PDE1C: variants seen among roughly 807,000 people sequenced by gnomAD.
PDE1C encodes dual specificity calcium/calmodulin-dependent 3',5'-cyclic nucleotide phosphodiesterase 1C.
PDE1C carries 62 observed loss-of-function variants against 93.1 expected under a neutral mutation model. The ratio of observed to expected loss-of-function variants is 0.67; its 90% CI spans 0.54 to 0.82. The LOEUF (loss-of-function observed/expected upper bound fraction) is 0.82, where lower values mean the gene tolerates loss of function less well. Among genes scored for constraint, PDE1C ranks in the 40% least tolerant of loss-of-function variants. PDE1C has a pLI of 0.00. For synonymous variants in PDE1C, 325 were observed against 310.1 expected (o/e 1.05, Z -0.50); for missense variants, 742 against 884.6 (o/e 0.84, Z 2.04).
chr7:31,622,212 C>G, the PDE1C span, among the ~76,000 whole-genome samples: 1 of 142,904 alleles, frequency 7.0e-6, no homozygotes, highest in Non-Finnish European at 1.5e-5. Context: ...AGAAAGTCAA[C>G]AAGGATACCC....
intron 5 of PDE1C, among the ~76,000 whole-genome samples, chr7:31,875,909 A>G (rs1796536248): frequency 6.8e-6 from 1 of 146,398 alleles, no homozygotes; most frequent in African/African-American, 2.5e-5. Flanking sequence ...TTACTTAAAT[A>G]TCATTTTATG....
Position 32,287,671 on chromosome 7 carries a change from G to A in PDE1C, c.85+10980C>T, listed in dbSNP as rs376556015. 5.9e-5 allele frequency among the ~76,000 whole-genome samples: 9 copies of A among 152,350 alleles called. No individual in the cohort carries two copies. The South Asian group carries it at 1.0e-3, about 18-fold the overall frequency. ...GCGCAGGCAGGGCACTGCAAAGTAC[G>A]GGTCCAGAGAAAAGCAAAGGCCAGG... On this transcript the variant is annotated intron_variant, in intron 1 of 18. Transcript: ENST00000396193.
intron 3 of PDE1C, among the ~76,000 whole-genome samples, chr7:32,090,155 C>A (rs1797386298): frequency 6.6e-6 from 1 of 151,216 alleles, no homozygotes; most frequent in African/African-American, 2.4e-5. Context: ...GCTAAGTGAG[C>A]CAGCAGCCTT....
intron 17 of PDE1C, among the ~76,000 whole-genome samples, chr7:31,771,311 C>A (rs992787399): frequency 2.0e-5 from 3 of 152,206 alleles, no homozygotes; most frequent in Non-Finnish European, 4.4e-5. Flanking sequence ...TTTTTCACAG[C>A]AGCTGTGTTA....
chr7:31,790,330 T>C, intron 16 of PDE1C: 2 of 1,390,850 alleles, frequency 1.4e-6, no homozygotes, highest in Non-Finnish European at 2.0e-6. Flanking sequence ...ACCCTCCAAG[T>C]CTGAGGAGAA....
At chr7:32,183,689 A>G (rs1200086616) in intron 2 of PDE1C, among the ~76,000 whole-genome samples, 1 of 152,278 alleles carries the variant, frequency 6.6e-6, no homozygotes, top group Non-Finnish European at 1.5e-5. Flanking sequence ...ACCTAAAACC[A>G]TAAAAGCCCT....
At chr7:32,075,338 A>C (rs749479689), upstream of PDE1C, among the ~76,000 whole-genome samples, 2 of 152,086 alleles carry the variant, frequency 1.3e-5, no homozygotes, top group African/African-American at 4.8e-5. Flanking sequence ...TTGAGGGGGA[A>C]ATTCTGGAGA....
At chr7:32,112,848 A>G (rs6462332) in intron 3 of PDE1C, among the ~76,000 whole-genome samples, 12,964 of 47,508 alleles carry the variant, frequency 0.27, 623 homozygotes, top group East Asian at 0.5. Context: ...GTGTGTGTGT[A>G]TATATATATA....
At chr7:32,259,458 G>T (rs1446124620) in intron 1 of PDE1C, among the ~76,000 whole-genome samples, 1 of 152,110 alleles carries the variant, frequency 6.6e-6, no homozygotes, top group Non-Finnish European at 1.5e-5. Context: ...GGGGCAACTG[G>T]ATTAAATTTG....
At chr7:32,267,734 T>C in intron 1 of PDE1C, among the ~76,000 whole-genome samples, 1 of 151,922 alleles carries the variant, frequency 6.6e-6, no homozygotes, top group African/African-American at 2.4e-5. Flanking sequence ...TGAAACCCCC[T>C]CAGAAATGAC....
chr7:31,644,093 G>C, the PDE1C span: 1 of 725,142 alleles, frequency 1.4e-6, no homozygotes, highest in Non-Finnish European at 2.2e-6. Flanking sequence ...CATTTGTAGA[G>C]TGCTTTATTG....
chr7:32,271,954 T>TA (rs1810997777), intron 1 of PDE1C, among the ~76,000 whole-genome samples: 1 of 152,202 alleles, frequency 6.6e-6, no homozygotes, highest in African/African-American at 2.4e-5. Flanking sequence ...ACCCGTTTTT[T>TA]CTGCCATTGG....
chr7:32,208,812 T>C (rs1366886998), intron 2 of PDE1C, among the ~76,000 whole-genome samples: 2 of 152,206 alleles, frequency 1.3e-5, no homozygotes, highest in Non-Finnish European at 2.9e-5. Flanking sequence ...TGAGAGGCTT[T>C]AGACTCCTAC....
intron 1 of PDE1C, among the ~76,000 whole-genome samples, chr7:32,068,772 A>G (rs1795692217): frequency 6.6e-6 from 1 of 152,224 alleles, no homozygotes; most frequent in African/African-American, 2.4e-5. Flanking sequence ...GTCCAAGAGA[A>G]GAAGTTCCTG....
the PDE1C span, among the ~76,000 whole-genome samples, chr7:31,645,119 G>T: frequency 6.6e-6 from 1 of 152,174 alleles, no homozygotes; most frequent in Non-Finnish European, 1.5e-5. Context: ...GACTAAGTGG[G>T]AAGTCCAAAT....
At chr7:31,850,585 T>C (rs1793207090) in intron 8 of PDE1C, 56 bp downstream of exon 8, 5 of 1,187,068 alleles carry the variant, frequency 4.2e-6, no homozygotes. Flanking sequence ...TTCTGATTTC[T>C]AAAACTGTCT....
intron 1 of PDE1C, among the ~76,000 whole-genome samples, chr7:32,361,855 G>T (rs1190802123): frequency 2.0e-5 from 3 of 152,116 alleles, no homozygotes; most frequent in Non-Finnish European, 4.4e-5. Context: ...AATATTCACT[G>T]GATAAAAAAG....
intron 2 of PDE1C, among the ~76,000 whole-genome samples, chr7:31,956,721 C>T (rs1808205575): frequency 6.6e-6 from 1 of 151,748 alleles, no homozygotes; most frequent in Admixed American, 6.6e-5. Flanking sequence ...AAATCTAGCT[C>T]ACTTGTTTTC....
the PDE1C span, among the ~76,000 whole-genome samples, chr7:31,629,072 G>A: frequency 1.3e-5 from 2 of 151,970 alleles, no homozygotes; most frequent in Admixed American, 6.6e-5. Flanking sequence ...GGTGGTCATG[G>A]GACATTGTTC....
Sources: allele counts gnomAD v4.1 joint callset (sites outside exome capture counted in the v4.1 genomes callset), GRCh38; gene constraint gnomAD v4.1.1; transcripts MANE v1.5; gene names NCBI Gene and HGNC (gene_info 2026-07-23, HGNC 2026-07-21).